ULK3: variants seen among roughly 807,000 people sequenced by gnomAD.
ULK3 encodes the protein unc-51 like kinase 3.
In ULK3, 54 loss-of-function variants were observed where a neutral mutation model predicts 69.4. The ratio of observed to expected loss-of-function variants is 0.78; its 90% confidence interval spans 0.63 to 0.98. ULK3 has a LOEUF of 0.98. ULK3 is among the 50% of genes least tolerant of loss of function. ULK3 has a pLI of 0.00. For synonymous variants in ULK3, 240 were observed against 254.5 expected (o/e 0.94, Z 0.54); for missense variants, 558 against 627.7 (o/e 0.89, Z 1.19).
rs376602900 is a variant in ULK3 at position 74,838,634 on chromosome 15, G to A, written c.1102+9C>T. 2.2e-5 allele frequency: 35 copies of A among 1,607,016 alleles called. No individual in the cohort carries two copies. Among genetic ancestry groups the A allele is most frequent in the African/African-American group, 5.4e-5 (4 of 74,724 alleles). On this transcript the variant is annotated intron_variant, in intron 10 of 15. Coordinates refer to ENST00000440863, the MANE Select transcript of ULK3 (RefSeq NM_001099436.4). Reference sequence around the variant, plus strand: ...GGGGCCCTGGGGTCAGCCAGAAACCGGAGTCTACCTCTGAGCAGGTCTCGG... The same window carrying A: ...GGGGCCCTGGGGTCAGCCAGAAACCAGAGTCTACCTCTGAGCAGGTCTCGG...
chr15:74,840,729 C>A (rs774090491), intron 4 of ULK3, 88 bp from the exon 5 acceptor site: 16 of 1,454,084 alleles, frequency 1.1e-5, no homozygotes, highest in Non-Finnish European at 1.5e-5. Context: ...TCCTCTCCAC[C>A]CTCCAGACCC....
intron 3 of ULK3, 150 bp downstream of exon 3, chr15:74,841,925 G>C: frequency 1.5e-6 from 2 of 1,327,034 alleles, no homozygotes; most frequent in Admixed American, 2.0e-5. Context: ...AGCAAGGGTT[G>C]AGTGTATGAG....
At chr15:74,838,402 T>C (rs780254455) in intron 11 of ULK3, 38 bp downstream of exon 11, 109 of 1,562,172 alleles carry the variant, frequency 7.0e-5, no homozygotes, top group Middle Eastern at 3.3e-4. Context: ...CTCCCTGCCC[T>C]GCCCCGACCC....
At position 74,839,710 on chromosome 15, in the gene ULK3, G is replaced by A. The variant is rs1209417557; in HGVS notation, c.700C>T (p.Pro234Ser). The part of the protein sequence containing the change: ...KIRSNRVIEL[P>S]LRPLLSRDCR... Reference sequence around the variant, plus strand: ...TCTCGGGAGAGCAGGGGCCGCAAGGGGAGCTGCAGGGAAGGGAACGGCAGG... The same window carrying A: ...TCTCGGGAGAGCAGGGGCCGCAAGGAGAGCTGCAGGGAAGGGAACGGCAGG... The change falls in exon 7 of 16, where the codon CCC (proline) becomes TCC (serine). Residue 234 changes from proline (P) to serine (S), a missense_variant. Transcript: ENST00000440863. The A allele has an allele frequency of 8.4e-6, 13 of 1,541,458 alleles. No homozygotes were observed. Among genetic ancestry groups the A allele is most frequent in the Middle Eastern group, 2.3e-4 (1 of 4,320 alleles).
At position 74,843,122 on chromosome 15, in the gene ULK3, C is replaced by T. The variant is rs932629849; in HGVS notation, c.-17G>A. ...CCCCGCCATTCCGGCCGCCTGCGCC[C>T]GCGCGGGCGCTTCCTCGCTGCGGGC... On this transcript the variant is annotated 5_prime_UTR_variant, in exon 1 of 16. Transcript: ENST00000440863. The T allele has an allele frequency of 2.4e-6, 3 of 1,260,674 alleles. No individual in the cohort carries two copies. The highest frequency in any genetic ancestry group is 2.0e-6 in the Non-Finnish European group (2 of 998,328). 78.1% of individuals were successfully genotyped at this position (1,260,674 alleles called of 1,614,324 possible).
In ULK3 at chr15:74,838,736, A is replaced by G. The variant is rs1311382619; in HGVS notation, c.1009T>C (p.Tyr337His). The G allele has an allele frequency of 6.2e-7, 1 of 1,607,740 alleles. No individual in the cohort carries two copies. Among genetic ancestry groups the G allele is most frequent in the South Asian group, 1.1e-5 (1 of 90,176 alleles). ...TTGAGCTCCTCAGCCCGGGACACGT[A>G]CTGCCCCACCTGTAGCAGGGAAAGG... ...KEAIKAKVGQ[Y>H]VSRAEELKAI... is the part of the protein sequence containing the mutation. The change falls in exon 10 of 16, where the codon TAC (tyrosine) becomes CAC (histidine). Residue 337 changes from tyrosine to histidine, a missense_variant. By Grantham distance (83) the Tyr-to-His change is moderately conservative. Coordinates refer to ENST00000440863, the MANE Select transcript of ULK3 (RefSeq NM_001099436.4).
intron 14 of ULK3, 39 bp from the exon 15 acceptor site, chr15:74,837,474 ACACACGAGCCACAGCGCAG>A: frequency 8.8e-6 from 14 of 1,586,688 alleles, no homozygotes; most frequent in Middle Eastern, 3.3e-4. Flanking sequence ...TGAGAGGCAG[ACACACGAGCCACAGCGCAG>A]TGCCGAGCAA....
At position 74,839,699 on chromosome 15, in the gene ULK3, G is replaced by A. The variant is rs1275953776; in HGVS notation, c.711C>T (p.Pro237=). The change falls in exon 7 of 16, where the codon CCC becomes CCT. Residue 237 remains proline (P), a synonymous_variant. Coordinates refer to ENST00000440863, the MANE Select transcript of ULK3 (RefSeq NM_001099436.4). ...GGTCCCGGCAGTCTCGGGAGAGCAG[G>A]GGCCGCAAGGGGAGCTGCAGGGAAG... ...SNRVIELPLR[P]LLSRDCRDLL... is the part of the protein sequence containing the mutation. The A allele has an allele frequency of 1.2e-5, 18 of 1,547,244 alleles. No individual in the cohort carries two copies. Among genetic ancestry groups the A allele is most frequent in the Admixed American group, 1.9e-5 (1 of 51,456 alleles).
rs533771454 is a variant in ULK3 at position 74,838,633 on chromosome 15, C to T, written c.1102+10G>A. 1.6e-5 allele frequency: 26 copies of T among 1,606,754 alleles called. No homozygotes were observed. Among genetic ancestry groups the T allele is most frequent in the Admixed American group, 1.3e-4 (8 of 59,340 alleles). The stretch of plus-strand genomic sequence containing the variant: ...GGGGGCCCTGGGGTCAGCCAGAAAC[C>T]GGAGTCTACCTCTGAGCAGGTCTCG... On this transcript the variant is annotated intron_variant, in intron 10 of 15. Coordinates refer to ENST00000440863, the MANE Select transcript of ULK3 (RefSeq NM_001099436.4).
chr15:74,838,543 C>G (rs1435597816), intron 10 of ULK3, 39 bp from the exon 11 acceptor site: 1 of 1,565,956 alleles, frequency 6.4e-7, no homozygotes, highest in Non-Finnish European at 8.7e-7. Flanking sequence ...GGGAAGCAAC[C>G]TGCCTGTTCG....
In ULK3 at chr15:74,837,299, G is replaced by A. The variant is rs1023069533; in HGVS notation, c.1403-55C>T. 10 of 1,611,922 alleles carry A rather than the reference G, an allele frequency of 6.2e-6. No homozygotes were observed. In the African/African-American group the frequency reaches 1.2e-4, roughly 19 times the overall value. ...GGTCAGTCTCAGGTCTTTGGTAAGG[G>A]AGGCAGAACCCAGGGCCCCCAGCCC... On this transcript the variant is annotated intron_variant, in intron 15 of 15. Transcript: ENST00000440863.
chr15:74,842,204 A>C lies in ULK3; in HGVS notation c.244-9T>G. 1 of 1,614,032 alleles carries C rather than the reference A, an allele frequency of 6.2e-7. No homozygotes were observed. The highest frequency in any genetic ancestry group is 8.5e-7 in the Non-Finnish European group (1 of 1,179,890). ...ATATTGTCACTGTCCCACTGTGTTT[A>C]GAGGCAGAGAGGCGGCCTGAAGAGA... On this transcript the variant is annotated splice_polypyrimidine_tract_variant and intron_variant, in intron 2 of 15. Transcript: ENST00000440863. The surrounding 1 kb of genome is among the most constrained non-coding windows in gnomAD (Gnocchi z 4.9).
chr15:74,843,026 G>A lies in ULK3; in HGVS notation c.80C>T (p.Thr27Met), dbSNP rs373520078. The change falls in exon 1 of 16, where the codon ACG (threonine) becomes ATG (methionine). Residue 27 changes from threonine to methionine, a missense_variant. Thr to Met is a moderately conservative substitution (Grantham distance 81). Transcript: ENST00000440863. ...CACCTTGGCGTAGGCCTTGTACACC[G>A]TGGCGTACGTGCCGCTGCCCAGGCG... ...TERLGSGTYA[T>M]VYKAYAKKDT... The A allele has an allele frequency of 5.2e-6, 8 of 1,533,878 alleles. No homozygotes were observed. Among genetic ancestry groups the A allele is most frequent in the Middle Eastern group, 1.9e-4 (1 of 5,328 alleles).
Position 74,838,715 on chromosome 15 carries a change from G to A in ULK3, c.1030C>T (p.Leu344Phe). 4 of 1,611,932 alleles carry A rather than the reference G, an allele frequency of 2.5e-6. No homozygotes were observed. The highest frequency in any genetic ancestry group is 3.4e-6 in the Non-Finnish European group (4 of 1,178,996). ...VGQYVSRAEE[L>F]KAIVSSSNQA... Reference sequence around the variant, plus strand: ...TTGGAAGAGGAGACGATGGCCTTGAGCTCCTCAGCCCGGGACACGTACTGC... The same window carrying A: ...TTGGAAGAGGAGACGATGGCCTTGAACTCCTCAGCCCGGGACACGTACTGC... The change falls in exon 10 of 16, where the codon CTC becomes TTC. Residue 344 changes from leucine (L) to phenylalanine (F), a missense_variant. By Grantham distance (22) the Leu-to-Phe change is conservative (BLOSUM62 0). Coordinates refer to ENST00000440863, the MANE Select transcript of ULK3 (RefSeq NM_001099436.4).
At chr15:74,841,934 A>G in intron 3 of ULK3, 141 bp downstream of exon 3, 1 of 1,393,350 alleles carries the variant, frequency 7.2e-7, no homozygotes, top group Non-Finnish European at 9.8e-7. Context: ...TGAGTGTATG[A>G]GATAAACAGG....
Position 74,842,343 on chromosome 15 carries a change from G to T in ULK3, c.180C>A (p.Leu60=). The change falls in exon 2 of 16, where the codon CTC becomes CTA. Residue 60 remains leucine (L), a synonymous_variant. Coordinates refer to ENST00000440863, the MANE Select transcript of ULK3 (RefSeq NM_001099436.4). This position sits in a 1 kb window ranked among gnomAD's most constrained non-coding sequence, Gnocchi z 4.9. ...TGCCCTTGAGGATCTCAATCTCCGT[G>T]AGGAGGTTCTCCACCGATGCCTTGT... ...SLNKASVENL[L]TEIEILKGIR... is the part of the protein sequence containing the mutation. The T allele has an allele frequency of 1.2e-6, 2 of 1,614,008 alleles. No individual in the cohort carries two copies. The highest frequency in any genetic ancestry group is 1.7e-6 in the Non-Finnish European group (2 of 1,179,904).
In ULK3 at chr15:74,839,037, G is replaced by A. The variant is rs1326216506; in HGVS notation, c.972C>T (p.Ala324=). The A allele has an allele frequency of 6.2e-7, 1 of 1,605,098 alleles. No homozygotes were observed. The highest frequency in any genetic ancestry group is 8.5e-7 in the Non-Finnish European group (1 of 1,176,078). The change falls in exon 9 of 16, where the codon GCC becomes GCT. Residue 324 remains alanine (A), a synonymous_variant. Coordinates refer to ENST00000440863, the MANE Select transcript of ULK3 (RefSeq NM_001099436.4). ...FVPALHYEVD[A]QRKEAIKAKV... Reference sequence around the variant, plus strand: ...TTGCCTTAATTGCCTCCTTCCGCTGGGCATCCACTTCATCTGCAGAAAGTG... The same window carrying A: ...TTGCCTTAATTGCCTCCTTCCGCTGAGCATCCACTTCATCTGCAGAAAGTG...
intron 9 of ULK3, 33 bp downstream of exon 9, chr15:74,838,977 C>A (rs1421685121): frequency 1.3e-6 from 2 of 1,584,202 alleles, no homozygotes; most frequent in Non-Finnish European, 8.6e-7. Context: ...TTACCCCCTG[C>A]CCCCCCACTT....
At position 74,842,424 on chromosome 15, in the gene ULK3, C is replaced by A. The variant is rs776934118; in HGVS notation, c.103-4G>T. The A allele has an allele frequency of 1.7e-5, 27 of 1,613,874 alleles. No homozygotes were observed. Among genetic ancestry groups the A allele is most frequent in the Non-Finnish European group, 2.2e-5 (26 of 1,179,890 alleles). Reference sequence around the variant, plus strand: ...CTACCACTTCACGAGTGTCCTTCTGCGAGACAGGAGATTTGGGGACTCTGC... The same window carrying A: ...CTACCACTTCACGAGTGTCCTTCTGAGAGACAGGAGATTTGGGGACTCTGC... On this transcript the variant is annotated splice_region_variant and splice_polypyrimidine_tract_variant and intron_variant, in intron 1 of 15. Transcript: ENST00000440863. This position sits in a 1 kb window ranked among gnomAD's most constrained non-coding sequence, Gnocchi z 4.9.
Sources: allele counts gnomAD v4.1 joint callset, GRCh38; gene constraint gnomAD v4.1.1; non-coding constraint Gnocchi (gnomAD v3.1); transcripts MANE v1.5; gene names NCBI Gene and HGNC (gene_info 2026-07-23, HGNC 2026-07-21).